The following AKAP19 variants were observed in gnomAD, a reference collection of about 807,000 sequenced individuals.
AKAP19 encodes A-kinase anchoring protein 19.
the AKAP19 span, among the ~76,000 whole-genome samples, chr2:189,942,150 G>A: frequency 9.2e-5 from 14 of 152,252 alleles, no homozygotes; most frequent in Admixed American, 7.2e-4. Flanking sequence ...CCATGCTGGC[G>A]GGGAGGCCTA....
At chr2:189,973,807 T>A in the AKAP19 span, among the ~76,000 whole-genome samples, 38 of 152,206 alleles carry the variant, frequency 2.5e-4, no homozygotes, top group Non-Finnish European at 4.1e-4. Context: ...GTAGTTTGTA[T>A]TTCTTTGGGA....
At chr2:190,151,233 G>T in the AKAP19 span, among the ~76,000 whole-genome samples, 1 of 151,972 alleles carries the variant, frequency 6.6e-6, no homozygotes, top group African/African-American at 2.4e-5. Flanking sequence ...TAAGTTCTAG[G>T]ATACATGTGC....
the AKAP19 span, among the ~76,000 whole-genome samples, chr2:190,185,190 C>T: frequency 6.6e-6 from 1 of 152,120 alleles, no homozygotes; most frequent in African/African-American, 2.4e-5. Context: ...TTTATGCCTC[C>T]TACTTGTTCT....
the AKAP19 span, among the ~76,000 whole-genome samples, chr2:190,002,334 GAACTTC>G: frequency 6.6e-6 from 1 of 151,980 alleles, no homozygotes; most frequent in Non-Finnish European, 1.5e-5. Context: ...CTTTTATCTG[GAACTTC>G]TGTTTATCTC....
At chr2:190,070,839 T>C in the AKAP19 span, among the ~76,000 whole-genome samples, 1 of 152,178 alleles carries the variant, frequency 6.6e-6, no homozygotes, top group African/African-American at 2.4e-5. Flanking sequence ...GAAGAACTGG[T>C]AAAATTCAAA....
At chr2:189,994,684 C>T in the AKAP19 span, among the ~76,000 whole-genome samples, 9 of 151,890 alleles carry the variant, frequency 5.9e-5, no homozygotes, top group South Asian at 2.1e-4. Flanking sequence ...CTGCAACCTC[C>T]GCCTCCTGGG....
the AKAP19 span, chr2:190,199,572 C>CAAGT: frequency 7.9e-6 from 3 of 380,852 alleles, no homozygotes; most frequent in South Asian, 1.6e-4. Flanking sequence ...TAAGATAAAG[C>CAAGT]TGTTTGTTTT....
chr2:189,933,330 G>A, the AKAP19 span, among the ~76,000 whole-genome samples: 1 of 152,122 alleles, frequency 6.6e-6, no homozygotes, highest in Non-Finnish European at 1.5e-5. Flanking sequence ...CGTGTACCTA[G>A]TGTCTAGCAT....
the AKAP19 span, among the ~76,000 whole-genome samples, chr2:190,123,962 A>G: frequency 1.3e-5 from 2 of 152,214 alleles, no homozygotes; most frequent in East Asian, 3.8e-4. Context: ...CCTACCTTGG[A>G]CAACAGAACT....
the AKAP19 span, among the ~76,000 whole-genome samples, chr2:190,182,721 A>C: frequency 6.6e-6 from 1 of 152,232 alleles, no homozygotes; most frequent in Admixed American, 6.5e-5. Context: ...CAAATAAAAT[A>C]ATCTATTGCT....
chr2:190,078,380 A>G, the AKAP19 span, among the ~76,000 whole-genome samples: 1 of 152,310 alleles, frequency 6.6e-6, no homozygotes, highest in Non-Finnish European at 1.5e-5. Flanking sequence ...CTACCTGGTT[A>G]CTAAATGTGG....
chr2:190,066,098 T>C, the AKAP19 span, among the ~76,000 whole-genome samples: 2 of 152,122 alleles, frequency 1.3e-5, no homozygotes, highest in African/African-American at 2.4e-5. Context: ...AAGTTAGCCA[T>C]CTCTAAAAGC....
the AKAP19 span, chr2:190,202,178 A>T: frequency 6.0e-6 from 1 of 166,974 alleles, no homozygotes; most frequent in African/African-American, 2.4e-5. Context: ...TATCAACTAG[A>T]AGTCTGATTT....
the AKAP19 span, among the ~76,000 whole-genome samples, chr2:190,006,258 T>C: frequency 2.6e-5 from 4 of 152,242 alleles, no homozygotes; most frequent in African/African-American, 9.6e-5. Flanking sequence ...AGACTTTTTC[T>C]AAGATGGTGC....
the AKAP19 span, among the ~76,000 whole-genome samples, chr2:190,038,897 TTTCTTTCTTCTTCTTC>T: frequency 0.018 from 1,147 of 62,174 alleles, 7 homozygotes; most frequent in Non-Finnish European, 0.026. Flanking sequence ...TCTTTCTTTC[TTTCTTTCTTCTTCTTC>T]TTCTTCTTCT....
At chr2:190,034,460 T>C in the AKAP19 span, among the ~76,000 whole-genome samples, 99 of 144,260 alleles carry the variant, frequency 6.9e-4, 1 homozygote, top group South Asian at 0.013. Context: ...CTCAATTTTA[T>C]CCTGTGTTCC....
the AKAP19 span, among the ~76,000 whole-genome samples, chr2:190,005,229 G>A: frequency 3.9e-5 from 6 of 152,302 alleles, no homozygotes; most frequent in Admixed American, 2.0e-4. Flanking sequence ...AGGGAGACCT[G>A]ACCAGGTTGC....
At chr2:190,062,646 ACTTTT>A in the AKAP19 span, 3 of 1,583,048 alleles carry the variant, frequency 1.9e-6, no homozygotes, top group South Asian at 1.1e-5. Context: ...TCTTCCTTTT[ACTTTT>A]CTTTTGCTTT....
chr2:189,985,999 C>A, the AKAP19 span, among the ~76,000 whole-genome samples: 1 of 151,818 alleles, frequency 6.6e-6, no homozygotes, highest in Non-Finnish European at 1.5e-5. Context: ...TTTTATGAAC[C>A]CATAAAAATT....
Sources: allele counts gnomAD v4.1 joint callset (sites outside exome capture counted in the v4.1 genomes callset), GRCh38; gene constraint gnomAD v4.1.1; transcripts MANE v1.5; gene names NCBI Gene and HGNC (gene_info 2026-07-23, HGNC 2026-07-21).